The following PECR variants were observed in gnomAD, a reference collection of about 807,000 sequenced individuals.
The protein encoded by PECR is 2,4-dienoyl-CoA reductase-related protein.
PECR carries 30 observed loss-of-function variants against 35.3 expected under a neutral mutation model. That is an observed-to-expected ratio of 0.85 (90% CI 0.64 to 1.15). The LOEUF is 1.15. Among genes scored for constraint, PECR ranks in the 50% most tolerant of loss-of-function variants. The pLI, the probability that PECR is intolerant of heterozygous loss-of-function variation, is 0.00. For synonymous variants in PECR, 148 were observed against 138.9 expected (o/e 1.07, Z -0.46); for missense variants, 392 against 370.8 (o/e 1.06, Z -0.47).
chr2:216,065,060 AATCT>A, intron 3 of PECR: 1 of 496,360 alleles, frequency 2.0e-6, no homozygotes, highest in South Asian at 2.2e-5. Flanking sequence ...TTAATAGCTA[AATCT>A]ATGTACAGAT....
chr2:216,061,316 A>C (rs1397594249), intron 3 of PECR, among the ~76,000 whole-genome samples: 31 of 25,580 alleles, frequency 1.2e-3, no homozygotes, highest in Non-Finnish European at 2.2e-3. Context: ...TGTCTCAAAA[A>C]AAAAAAAAAA....
At chr2:216,034,189 GC>G (rs1376279512), downstream of PECR, 2 of 152,216 alleles carry the variant, frequency 1.3e-5, no homozygotes, top group African/African-American at 4.8e-5. Flanking sequence ...TTTGAGCCAA[GC>G]CCCAGGTCAT....
chr2:216,036,759 T>C (rs934156), downstream of PECR, among the ~76,000 whole-genome samples: 110,110 of 152,036 alleles, frequency 0.72, 40,039 homozygotes, highest in African/African-American at 0.77. Flanking sequence ...TTATCCTTCA[T>C]GGGCCTGGTA....
At chr2:216,035,022 G>A (rs879393196), downstream of PECR, among the ~76,000 whole-genome samples, 6 of 152,198 alleles carry the variant, frequency 3.9e-5, no homozygotes, top group Non-Finnish European at 7.4e-5. Context: ...GATCATTGCT[G>A]AGCCCTGAAG....
chr2:216,071,151 G>T (rs189701091), intron 1 of PECR, among the ~76,000 whole-genome samples: 1 of 152,258 alleles, frequency 6.6e-6, no homozygotes, highest in African/African-American at 2.4e-5. Context: ...TTCTGTGGTC[G>T]CACACACCTT....
Position 216,058,923 on chromosome 2 carries a change from G to A in PECR, c.478C>T (p.Pro160Ser). The change falls in exon 4 of 8, where the codon CCT (proline) becomes TCT (serine). Residue 160 changes from proline to serine, a missense_variant. Transcript: ENST00000265322. ...HGGSIVNIIV[P>S]TKAGFPLAVH... ...GCTAATGGAAATCCAGCTTTAGTAG[G>A]GACAATGATATTGACGATAGATCCT... 6.2e-7 allele frequency: 1 copy of A among 1,607,338 alleles called. No individual in the cohort carries two copies. Among genetic ancestry groups the A allele is most frequent in the Middle Eastern group, 1.7e-4 (1 of 6,052 alleles).
At position 216,043,977 on chromosome 2, in the gene PECR, A is replaced by G. The variant is rs751105875; in HGVS notation, c.753T>C (p.Ala251=). 1 of 1,612,558 alleles carries G rather than the reference A, an allele frequency of 6.2e-7. No individual in the cohort carries two copies. The highest frequency in any genetic ancestry group is 1.7e-5 in the Admixed American group (1 of 60,014). ...CCACCGACTGTCCAGTGATGAAGGAAGCTGCAGGAGACAGTAGGAAGCAGA... is the reference window on the plus strand; with the variant it reads ...CCACCGACTGTCCAGTGATGAAGGAGGCTGCAGGAGACAGTAGGAAGCAGA... ...SVVCFLLSPA[A]SFITGQSVDV... The change falls in exon 7 of 8, where the codon GCT becomes GCC. Residue 251 remains alanine, a synonymous_variant. Transcript: ENST00000265322.
At chr2:216,053,101 G>A (rs1285476414) in intron 4 of PECR, among the ~76,000 whole-genome samples, 1 of 152,062 alleles carries the variant, frequency 6.6e-6, no homozygotes, top group Admixed American at 6.6e-5. Context: ...TGATCTGCCC[G>A]CCTCAGCCTC....
intron 3 of PECR, among the ~76,000 whole-genome samples, chr2:216,063,114 A>C (rs1470539741): frequency 6.6e-6 from 1 of 152,200 alleles, no homozygotes; most frequent in Non-Finnish European, 1.5e-5. Context: ...TTTTAACAGA[A>C]ATGTGAACAT....
In PECR at chr2:216,043,504, T is replaced by C. The variant is rs143136273; in HGVS notation, c.826+400A>G. ...TCAAAGAGAGCACAAAATAGCACCA[T>C]AGCACCCCACCCCACCTAGCAGGCC... On this transcript the variant is annotated intron_variant, in intron 7 of 7. Transcript: ENST00000265322. Among the ~76,000 whole-genome samples, 701 of 152,228 alleles carry C rather than the reference T, an allele frequency of 4.6e-3. 8 individuals are homozygous for C. Among genetic ancestry groups the C allele is most frequent in the African/African-American group, 0.016 (670 of 41,524 alleles).
intron 3 of PECR, among the ~76,000 whole-genome samples, chr2:216,060,846 A>G (rs1486142796): frequency 6.6e-6 from 1 of 151,602 alleles, no homozygotes; most frequent in Non-Finnish European, 1.5e-5. Flanking sequence ...AATAAAAATA[A>G]ATTCCATTCA....
At position 216,040,815 on chromosome 2, in the gene PECR, G is replaced by A. The variant is rs564960619; in HGVS notation, c.827-1455C>T. ...GAACCTGGGAGGCAGAGATTGCAGT[G>A]AGCCGAAATCATGTCACTGCACTCC... On this transcript the variant is annotated intron_variant, in intron 7 of 7. Coordinates refer to ENST00000265322, the MANE Select transcript of PECR (RefSeq NM_018441.6). Among the ~76,000 whole-genome samples, 19 of 152,198 alleles carry A rather than the reference G, an allele frequency of 1.2e-4. 2 individuals are homozygous for A. In the South Asian group the frequency reaches 3.9e-3, roughly 32 times the overall value.
At chr2:216,043,016 T>TATAC (rs1553560208) in intron 7 of PECR, among the ~76,000 whole-genome samples, 3 of 140,964 alleles carry the variant, frequency 2.1e-5, no homozygotes, top group East Asian at 2.0e-4. Context: ...TATATATATA[T>TATAC]ACACATACGT....
At chr2:216,062,098 C>A (rs1211881169) in intron 3 of PECR, among the ~76,000 whole-genome samples, 2 of 149,604 alleles carry the variant, frequency 1.3e-5, no homozygotes, top group Non-Finnish European at 3.0e-5. Flanking sequence ...TGTCACCCAG[C>A]CTGGAGGCGC....
At position 216,031,947 on chromosome 2, in the gene PECR, A is replaced by G. The variant is rs560681187; in HGVS notation, c.*440+7244T>C. ...TCCGTATTTTTGTATTTCTTAAATC[A>G]TCAAGGATTTTTAAAAGGCTTCAGT... is the stretch of plus-strand genomic sequence containing the variant. On this transcript the variant is annotated intron_variant and NMD_transcript_variant, in intron 7 of 7. Coordinates refer to the PECR transcript ENST00000442122. Among the ~76,000 whole-genome samples the G allele has an allele frequency of 7.2e-5, 11 of 152,378 alleles. No individual in the cohort carries two copies. The South Asian group carries it at 2.3e-3, about 32-fold the overall frequency.
At chr2:216,037,684 C>T (rs902632285), downstream of PECR, among the ~76,000 whole-genome samples, 1 of 152,112 alleles carries the variant, frequency 6.6e-6, no homozygotes, top group Non-Finnish European at 1.5e-5. Context: ...GCACCCTGGG[C>T]ACCTCATTAG....
intron 3 of PECR, among the ~76,000 whole-genome samples, chr2:216,061,129 CAAA>C (rs151215904): frequency 0.062 from 3,269 of 52,394 alleles, 81 homozygotes; most frequent in African/African-American, 0.11. Flanking sequence ...CCGGCTCTAC[CAAA>C]AAAAAAAAAA....
At chr2:216,049,188 T>C (rs1339292308) in intron 6 of PECR, 75 bp downstream of exon 6, 3 of 811,408 alleles carry the variant, frequency 3.7e-6, no homozygotes, top group African/African-American at 1.7e-5. Context: ...CCAGACCGCA[T>C]AAAAATGACA....
At chr2:216,064,775 T>C (rs1695430933) in intron 3 of PECR, among the ~76,000 whole-genome samples, 3 of 152,096 alleles carry the variant, frequency 2.0e-5, no homozygotes, top group African/African-American at 7.2e-5. Context: ...TGAGATAGGG[T>C]TGTACTTGTT....
Sources: allele counts gnomAD v4.1 joint callset (sites outside exome capture counted in the v4.1 genomes callset), GRCh38; gene constraint gnomAD v4.1.1; transcripts MANE v1.5; gene names NCBI Gene and HGNC (gene_info 2026-07-23, HGNC 2026-07-21).